PRKD1: variants seen among roughly 807,000 people sequenced by gnomAD.
PRKD1 encodes the protein protein kinase D1.
PRKD1 carries 63 observed loss-of-function variants against 95.9 expected under a neutral mutation model. The ratio of observed to expected loss-of-function variants is 0.66; its 90% confidence interval spans 0.54 to 0.81. The LOEUF (loss-of-function observed/expected upper bound fraction) is 0.81. Ranked by LOEUF, PRKD1 falls within the 30% of genes least tolerant of loss-of-function variation. PRKD1 has a pLI of 0.00. For missense variants in PRKD1, 1,048 were observed against 1,165.3 expected (o/e 0.90, Z 1.47); for synonymous variants, 425 against 423.1 (o/e 1.00, Z -0.05).
At chr14:29,738,446 C>G (rs1192388190) in intron 1 of PRKD1, among the ~76,000 whole-genome samples, 1 of 152,178 alleles carries the variant, frequency 6.6e-6, no homozygotes, top group African/African-American at 2.4e-5. Flanking sequence ...TAGGGCTTTG[C>G]TATCTCTCCT....
At chr14:29,700,874 T>C (rs1450279690) in intron 2 of PRKD1, among the ~76,000 whole-genome samples, 1 of 152,076 alleles carries the variant, frequency 6.6e-6, no homozygotes, top group South Asian at 2.1e-4. Flanking sequence ...TCCTACAGAT[T>C]TTGGACTTGT....
At chr14:29,764,383 T>C (rs374920464) in intron 1 of PRKD1, among the ~76,000 whole-genome samples, 1 of 151,990 alleles carries the variant, frequency 6.6e-6, no homozygotes, top group East Asian at 1.9e-4. Flanking sequence ...GAAGGAAAAA[T>C]TGGAAACGAC....
At chr14:29,691,099 T>G (rs1470862518) in intron 2 of PRKD1, among the ~76,000 whole-genome samples, 1 of 152,210 alleles carries the variant, frequency 6.6e-6, no homozygotes, top group Non-Finnish European at 1.5e-5. Context: ...ATAAATGACA[T>G]GTTCAATTAT....
chr14:29,896,533 G>C (rs895515615), intron 1 of PRKD1, among the ~76,000 whole-genome samples: 1 of 152,132 alleles, frequency 6.6e-6, no homozygotes, highest in African/African-American at 2.4e-5. Flanking sequence ...ACAGAGGACT[G>C]ATTTCTGCCT....
At chr14:29,610,617 C>T (rs193113277) in intron 13 of PRKD1, among the ~76,000 whole-genome samples, 1 of 152,238 alleles carries the variant, frequency 6.6e-6, no homozygotes, top group Non-Finnish European at 1.5e-5. Flanking sequence ...TAGTAGTTTC[C>T]TACAAAACCA....
chr14:29,867,872 A>T (rs893283995), intron 1 of PRKD1, among the ~76,000 whole-genome samples: 7 of 152,246 alleles, frequency 4.6e-5, no homozygotes, highest in Non-Finnish European at 1.0e-4. Context: ...TAGAATACTT[A>T]GTCTGTGTTT....
At chr14:29,599,244 A>G in intron 14 of PRKD1, 119 bp from the exon 15 acceptor site, 1 of 796,170 alleles carries the variant, frequency 1.3e-6, no homozygotes, top group Non-Finnish European at 2.0e-6. Flanking sequence ...TATGTTAAAG[A>G]CACTGAAATG....
intron 1 of PRKD1, among the ~76,000 whole-genome samples, chr14:29,856,427 GAC>G (rs1332931624): frequency 6.6e-6 from 1 of 152,134 alleles, no homozygotes; most frequent in African/African-American, 2.4e-5. Context: ...GAACAAAAAA[GAC>G]ACTAAAAACA....
At chr14:29,735,109 T>G (rs1594470454) in intron 1 of PRKD1, among the ~76,000 whole-genome samples, 1 of 152,358 alleles carries the variant, frequency 6.6e-6, no homozygotes, top group Non-Finnish European at 1.5e-5. Flanking sequence ...CAGTTACTCC[T>G]CATGCACTTT....
intron 10 of PRKD1, among the ~76,000 whole-genome samples, chr14:29,630,186 C>A (rs1455036032): frequency 6.6e-6 from 1 of 152,100 alleles, no homozygotes; most frequent in Non-Finnish European, 1.5e-5. Context: ...CTTGCCCAGG[C>A]AGGAATGCAG....
At chr14:29,853,398 A>G (rs1892379310) in intron 1 of PRKD1, among the ~76,000 whole-genome samples, 1 of 152,240 alleles carries the variant, frequency 6.6e-6, no homozygotes, top group East Asian at 1.9e-4. Context: ...CCAGGAAACT[A>G]AAGCCCACAA....
At chr14:29,701,785 G>A (rs1479758289) in intron 2 of PRKD1, among the ~76,000 whole-genome samples, 1 of 151,990 alleles carries the variant, frequency 6.6e-6, no homozygotes, top group Non-Finnish European at 1.5e-5. Context: ...CCTTCATGTT[G>A]GTAACTATAT....
At chr14:29,633,061 G>T (rs1880131702) in intron 8 of PRKD1, 115 bp from the exon 9 acceptor site, 2 of 944,760 alleles carry the variant, frequency 2.1e-6, no homozygotes, top group Non-Finnish European at 3.3e-6. Context: ...GAAAGTGCAT[G>T]GGCTTTGGGA....
At chr14:29,927,142 G>T in intron 1 of PRKD1, 107 bp downstream of exon 1, 1 of 1,192,696 alleles carries the variant, frequency 8.4e-7, no homozygotes, top group Non-Finnish European at 1.1e-6. Context: ...CGAGGCTGGC[G>T]GCCAGCCGAG....
intron 2 of PRKD1, among the ~76,000 whole-genome samples, chr14:29,698,115 C>A (rs553293602): frequency 3.3e-5 from 5 of 152,142 alleles, no homozygotes; most frequent in Non-Finnish European, 7.4e-5. Flanking sequence ...CAGCACTAAC[C>A]TGTTGTCTCC....
intron 2 of PRKD1, among the ~76,000 whole-genome samples, chr14:29,692,886 T>C (rs1456000555): frequency 1.3e-5 from 2 of 152,210 alleles, no homozygotes; most frequent in Non-Finnish European, 2.9e-5. Context: ...TGTTGGCTAA[T>C]ATTGATTCAT....
chr14:29,695,577 G>A (rs1884470674), intron 2 of PRKD1, among the ~76,000 whole-genome samples: 1 of 152,240 alleles, frequency 6.6e-6, no homozygotes, highest in Non-Finnish European at 1.5e-5. Context: ...TGGGCCATTT[G>A]CTGAGATGGG....
At chr14:29,797,349 A>G (rs755447796) in intron 1 of PRKD1, among the ~76,000 whole-genome samples, 1 of 152,236 alleles carries the variant, frequency 6.6e-6, no homozygotes, top group Non-Finnish European at 1.5e-5. Context: ...CAGTAAGTTT[A>G]CATCAATAAA....
intron 2 of PRKD1, among the ~76,000 whole-genome samples, chr14:29,722,982 A>G (rs1172752388): frequency 6.6e-6 from 1 of 152,228 alleles, no homozygotes; most frequent in African/African-American, 2.4e-5. Context: ...GAGATGGACA[A>G]GAAGGACAGG....
Sources: allele counts gnomAD v4.1 joint callset (sites outside exome capture counted in the v4.1 genomes callset), GRCh38; gene constraint gnomAD v4.1.1; transcripts MANE v1.5; gene names NCBI Gene and HGNC (gene_info 2026-07-23, HGNC 2026-07-21).